The following GALNT13 variants were observed in gnomAD, a reference collection of about 807,000 sequenced individuals.
The protein encoded by GALNT13 is polypeptide N-acetylgalactosaminyltransferase 13, also known as UDP-GalNAc:polypeptide N-acetylgalactosaminyltransferase 13.
Under a neutral mutation model 64.2 loss-of-function variants are expected in GALNT13, and 28 were observed. The ratio of observed to expected loss-of-function variants is 0.44; its 90% CI spans 0.32 to 0.60. The LOEUF (loss-of-function observed/expected upper bound fraction) is 0.60. Ranked by LOEUF, GALNT13 falls within the 20% of genes least tolerant of loss-of-function variation. The probability of loss-of-function intolerance (pLI) is 0.05; values close to 1 mark genes in which losing one functional copy is unlikely to be tolerated. For synonymous variants in GALNT13, 214 were observed against 224.6 expected, an observed-to-expected ratio of 0.95 and a Z score of 0.42; for missense variants, 577 against 669.8, an observed-to-expected ratio of 0.86 and a Z score of 1.53.
In GALNT13 at chr2:153,985,540, C is replaced by A. The variant is rs796112022; in HGVS notation, c.142+40901C>A. On this transcript the variant is annotated intron_variant, in intron 3 of 12. Coordinates refer to ENST00000392825, the MANE Select transcript of GALNT13 (RefSeq NM_052917.4). ...ATTTTCATATCATTTGTTCTATTTTCAGCACCAAACTCAGTACCCGGCATA... is the reference window on the plus strand; with the variant it reads ...ATTTTCATATCATTTGTTCTATTTTAAGCACCAAACTCAGTACCCGGCATA... Among the ~76,000 whole-genome samples the A allele has an allele frequency of 9.2e-5, 14 of 151,990 alleles. 1 individual carries two copies. The highest frequency in any genetic ancestry group is 3.4e-4 in the African/African-American group (14 of 41,502).
At chr2:153,615,917 T>C in the GALNT13 span, among the ~76,000 whole-genome samples, 1 of 152,102 alleles carries the variant, frequency 6.6e-6, no homozygotes, top group South Asian at 2.1e-4. Flanking sequence ...TCCTTTGCTG[T>C]GCAGAAGCTT....
intron 2 of GALNT13, among the ~76,000 whole-genome samples, chr2:153,915,426 T>C (rs973857032): frequency 5.3e-5 from 8 of 152,170 alleles, no homozygotes; most frequent in African/African-American, 1.9e-4. Context: ...ACTGTTCTGT[T>C]GGCCAATTCT....
the GALNT13 span, among the ~76,000 whole-genome samples, chr2:153,345,566 A>T: frequency 6.6e-6 from 1 of 151,972 alleles, no homozygotes; most frequent in African/African-American, 2.4e-5. Context: ...TTACCAGATT[A>T]ATTCCACACC....
the GALNT13 span, among the ~76,000 whole-genome samples, chr2:153,610,451 G>A: frequency 0.23 from 35,380 of 152,014 alleles, 4,385 homozygotes; most frequent in South Asian, 0.41. Context: ...AAGGTGGGCG[G>A]ATCACCTGAG....
chr2:153,648,361 T>A, the GALNT13 span, among the ~76,000 whole-genome samples: 2 of 152,178 alleles, frequency 1.3e-5, no homozygotes, highest in African/African-American at 4.8e-5. Flanking sequence ...TTAAGGAGAT[T>A]TGGGCTGAGA....
chr2:153,956,185 A>G (rs1286110863), intron 3 of GALNT13, among the ~76,000 whole-genome samples: 3 of 152,334 alleles, frequency 2.0e-5, no homozygotes, highest in East Asian at 1.9e-4. Flanking sequence ...CCTCTAAGAC[A>G]AAATACTTTA....
the GALNT13 span, among the ~76,000 whole-genome samples, chr2:153,592,023 A>T: frequency 1.3e-5 from 2 of 152,004 alleles, no homozygotes; most frequent in Non-Finnish European, 2.9e-5. Flanking sequence ...AAGGACATGA[A>T]CAGAATTTTT....
intron 8 of GALNT13, among the ~76,000 whole-genome samples, chr2:154,291,114 C>G (rs1291363447): frequency 6.6e-6 from 1 of 152,134 alleles, no homozygotes; most frequent in Non-Finnish European, 1.5e-5. Context: ...GTTGCCGCGG[C>G]TGGCTTGGGT....
chr2:153,922,124 G>T (rs1689800585), intron 2 of GALNT13, among the ~76,000 whole-genome samples: 1 of 152,072 alleles, frequency 6.6e-6, no homozygotes, highest in Non-Finnish European at 1.5e-5. Context: ...ATAAAATGTT[G>T]ATTGCTATTC....
intron 9 of GALNT13, among the ~76,000 whole-genome samples, chr2:154,357,059 G>A (rs1443673074): frequency 1.3e-5 from 2 of 151,926 alleles, no homozygotes; most frequent in Non-Finnish European, 2.9e-5. Flanking sequence ...ATTATATTTG[G>A]TATTACATGA....
At chr2:153,572,915 C>T in the GALNT13 span, among the ~76,000 whole-genome samples, 1 of 152,086 alleles carries the variant, frequency 6.6e-6, no homozygotes, top group East Asian at 1.9e-4. Flanking sequence ...GTGTATTCTG[C>T]AGTCATTGGA....
At position 154,361,546 on chromosome 2, in the gene GALNT13, G is replaced by A. The variant is rs1325538621; in HGVS notation, c.1157-34445G>A. ...AACTTTATCATTTTGCTGTAATACA[G>A]TGCATTCTCTAATCCTCAAATCCCT... On this transcript the variant is annotated intron_variant, in intron 9 of 12. Transcript: ENST00000392825. Among the ~76,000 whole-genome samples, 4 of 152,016 alleles carry A rather than the reference G, an allele frequency of 2.6e-5. No homozygotes were observed. In the East Asian group the frequency reaches 7.7e-4, roughly 29 times the overall value.
the GALNT13 span, among the ~76,000 whole-genome samples, chr2:153,583,214 C>T: frequency 6.6e-6 from 1 of 152,006 alleles, no homozygotes; most frequent in South Asian, 2.1e-4. Context: ...AGCTTTTAAG[C>T]CATGAAGAAA....
chr2:154,453,871 T>C lies in GALNT13; in HGVS notation c.*3320T>C, dbSNP rs1559165192. 1 of 152,216 alleles carries C rather than the reference T, an allele frequency of 6.6e-6. No homozygotes were observed. Among genetic ancestry groups the C allele is most frequent in the Non-Finnish European group, 1.5e-5 (1 of 68,040 alleles). 9.4% of individuals were successfully genotyped at this position (152,216 alleles called of 1,614,324 possible). On this transcript the variant is annotated 3_prime_UTR_variant, in exon 13 of 13. Transcript: ENST00000392825. ...AAAACTTTGTCTTCAAATTTTAATT[T>C]TCTTCCTAATATTCTTCACATTAAA...
chr2:154,145,109 T>TATAC, intron 4 of GALNT13, among the ~76,000 whole-genome samples: 2 of 143,060 alleles, frequency 1.4e-5, no homozygotes, highest in South Asian at 4.5e-4. Flanking sequence ...TCTATATATA[T>TATAC]ATATATATAT....
At chr2:153,303,998 C>T in the GALNT13 span, among the ~76,000 whole-genome samples, 3 of 151,650 alleles carry the variant, frequency 2.0e-5, no homozygotes, top group Non-Finnish European at 4.4e-5. Flanking sequence ...CCTGCCAGGT[C>T]CAACATAAGA....
At chr2:153,690,767 C>T in the GALNT13 span, among the ~76,000 whole-genome samples, 1 of 152,064 alleles carries the variant, frequency 6.6e-6, no homozygotes, top group East Asian at 1.9e-4. Context: ...AAATATTCCC[C>T]TAAAAAAGGA....
the GALNT13 span, among the ~76,000 whole-genome samples, chr2:153,364,893 T>C: frequency 6.6e-6 from 1 of 152,128 alleles, no homozygotes; most frequent in Non-Finnish European, 1.5e-5. Flanking sequence ...AAAAAACTAC[T>C]TTAAATTTCC....
At chr2:153,356,574 A>G in the GALNT13 span, 3 of 152,232 alleles carry the variant, frequency 2.0e-5, no homozygotes, top group African/African-American at 4.8e-5. Flanking sequence ...TGCCAAATGT[A>G]CTAACATTCT....
Sources: gnomAD v4.1 joint callset for allele counts (sites outside exome capture counted in the v4.1 genomes callset) on GRCh38, gnomAD v4.1.1 for gene constraint, MANE v1.5 for transcripts, NCBI Gene and HGNC (gene_info 2026-07-23, HGNC 2026-07-21) for gene names.